STON2: variants seen among roughly 807,000 people sequenced by gnomAD.
STON2 encodes stonin 2.
STON2 carries 29 observed loss-of-function variants against 65.7 expected under a neutral mutation model. That is an observed-to-expected ratio of 0.44 (90% CI 0.33 to 0.60). The LOEUF (loss-of-function observed/expected upper bound fraction) is 0.60. Among genes scored for constraint, STON2 ranks in the 20% least tolerant of loss-of-function variants. STON2 has a pLI of 0.03. For missense variants in STON2, 1,054 were observed against 1,118.1 expected, an observed-to-expected ratio of 0.94 and a Z score of 0.82; for synonymous variants, 404 against 414.2, an observed-to-expected ratio of 0.98 and a Z score of 0.30.
intron 5 of STON2, among the ~76,000 whole-genome samples, chr14:81,296,058 T>C (rs1895749354): frequency 6.6e-6 from 1 of 152,188 alleles, no homozygotes; most frequent in Admixed American, 6.5e-5. Flanking sequence ...TATTTTGGGA[T>C]GAGAATTCTC....
chr14:81,311,713 G>T (rs1173719772), intron 5 of STON2, among the ~76,000 whole-genome samples: 1 of 152,184 alleles, frequency 6.6e-6, no homozygotes, highest in Non-Finnish European at 1.5e-5. Context: ...AAATAATTCT[G>T]TTAAAATGTT....
chr14:81,300,659 A>G (rs968837795), intron 5 of STON2, among the ~76,000 whole-genome samples: 1 of 152,198 alleles, frequency 6.6e-6, no homozygotes, highest in African/African-American at 2.4e-5. Flanking sequence ...TACTCCCATG[A>G]TAATATCAAA....
intron 5 of STON2, among the ~76,000 whole-genome samples, chr14:81,284,742 A>C (rs1308600440): frequency 1.3e-5 from 2 of 152,226 alleles, no homozygotes; most frequent in Non-Finnish European, 2.9e-5. Context: ...TAATAGCTAG[A>C]GAAAAGTCAA....
rs1898204960 is a variant in STON2 at position 81,355,807 on chromosome 14, T to C, written c.571+15181A>G. ...GTTCACTCATGATTTGGCTCTCTGT[T>C]TGTCTGTTATTGGTGTATAAGAATG... On this transcript the variant is annotated intron_variant, in intron 4 of 7. Transcript: ENST00000614646. Among the ~76,000 whole-genome samples, 8 of 152,262 alleles carry C rather than the reference T, an allele frequency of 5.3e-5. No individual in the cohort carries two copies. In the South Asian group the frequency reaches 1.5e-3, roughly 28 times the overall value.
chr14:81,278,172 T>A lies in STON2; in HGVS notation c.1310A>T (p.Asp437Val), dbSNP rs146364557. The part of the protein sequence containing the change: ...DDSSKTQSHS[D>V]AVEKLKQLQI... ...GAGTTGTTTGAGTTTTTCAACAGCA[T>A]CAGAGTGTGACTGGGTTTTGCTTGA... The change falls in exon 6 of 8, where the codon GAT becomes GTT. Residue 437 changes from aspartate to valine, a missense_variant. By Grantham distance (152) the Asp-to-Val change is radical. Coordinates refer to ENST00000614646, the MANE Select transcript of STON2 (RefSeq NM_001394390.1). The A allele has an allele frequency of 6.2e-7, 1 of 1,613,912 alleles. No individual in the cohort carries two copies. The highest frequency in any genetic ancestry group is 1.3e-5 in the African/African-American group (1 of 74,908).
intron 2 of STON2, among the ~76,000 whole-genome samples, chr14:81,421,865 G>A (rs1369309587): frequency 6.6e-6 from 1 of 152,102 alleles, no homozygotes; most frequent in East Asian, 1.9e-4. Context: ...AGAGAGATGA[G>A]TGCTAAAAAC....
intron 3 of STON2, among the ~76,000 whole-genome samples, chr14:81,392,083 C>G (rs911843427): frequency 2.0e-5 from 3 of 152,122 alleles, no homozygotes; most frequent in Non-Finnish European, 2.9e-5. Context: ...CCAAAAAACT[C>G]AGTAATCAAA....
chr14:81,414,889 C>T (rs373453806), intron 2 of STON2, among the ~76,000 whole-genome samples: 27 of 151,838 alleles, frequency 1.8e-4, no homozygotes, highest in African/African-American at 5.1e-4. Flanking sequence ...GCTTGGTGGC[C>T]TGATGTGGGT....
At chr14:81,363,021 A>G (rs913743695) in intron 4 of STON2, among the ~76,000 whole-genome samples, 29 of 152,160 alleles carry the variant, frequency 1.9e-4, no homozygotes, top group Non-Finnish European at 3.8e-4. Context: ...AAGGCTCTCT[A>G]TAATTGCTCC....
intron 5 of STON2, among the ~76,000 whole-genome samples, chr14:81,313,192 T>C (rs975327936): frequency 6.6e-6 from 1 of 152,216 alleles, no homozygotes; most frequent in African/African-American, 2.4e-5. Context: ...ATCTAGTGAT[T>C]AGATCAAAGA....
intron 5 of STON2, among the ~76,000 whole-genome samples, chr14:81,291,309 C>T (rs1056015110): frequency 5.9e-5 from 9 of 152,044 alleles, no homozygotes; most frequent in Admixed American, 5.2e-4. Context: ...TTCACAAAGC[C>T]AGTATGGATA....
upstream of STON2, among the ~76,000 whole-genome samples, chr14:81,405,131 T>A (rs1373792500): frequency 6.6e-6 from 1 of 152,180 alleles, no homozygotes; most frequent in Non-Finnish European, 1.5e-5. Flanking sequence ...CATTTTTTCA[T>A]TAAATTTGGA....
upstream of STON2, among the ~76,000 whole-genome samples, chr14:81,401,188 T>C (rs530284691): frequency 6.6e-5 from 10 of 152,256 alleles, no homozygotes; most frequent in Non-Finnish European, 1.2e-4. Context: ...CTAAGTAGAG[T>C]CATGTGCTCA....
chr14:81,424,486 AAT>A, intron 2 of STON2, among the ~76,000 whole-genome samples: 1 of 112,910 alleles, frequency 8.9e-6, no homozygotes, highest in African/African-American at 3.9e-5. Flanking sequence ...TTATAAACAG[AAT>A]ACACTCTCAC....
At chr14:81,320,113 T>C (rs568926108) in intron 5 of STON2, among the ~76,000 whole-genome samples, 43 of 152,212 alleles carry the variant, frequency 2.8e-4, no homozygotes, top group African/African-American at 1.0e-3. Flanking sequence ...ACGTGGCCAG[T>C]GTAAGGTCAC....
chr14:81,260,972 G>A lies in STON2; in HGVS notation c.*7442C>T, dbSNP rs1894116779. On this transcript the variant is annotated 3_prime_UTR_variant, in exon 8 of 8. Transcript: ENST00000614646. ...TTATTACAGACATTACAAGAATGGA[G>A]GGTGAGGAATGGTGCTTCTCTGTCA... The A allele has an allele frequency of 6.6e-6, 1 of 152,160 alleles. No homozygotes were observed. The highest frequency in any genetic ancestry group is 2.4e-5 in the African/African-American group (1 of 41,440). The allele number at this position is 152,160 out of a possible 1,614,324, so 9.4% of individuals were successfully genotyped here. A position where few individuals can be genotyped will look rare whatever the true frequency, so the allele number is the denominator to read the frequency against.
chr14:81,337,010 G>A (rs1483985403), intron 4 of STON2, among the ~76,000 whole-genome samples: 1 of 152,134 alleles, frequency 6.6e-6, no homozygotes, highest in Non-Finnish European at 1.5e-5. Flanking sequence ...TTAGTCCCAA[G>A]GTTCTAACTG....
chr14:81,381,928 A>G (rs938119549), intron 3 of STON2, among the ~76,000 whole-genome samples: 1 of 152,144 alleles, frequency 6.6e-6, no homozygotes, highest in Admixed American at 6.5e-5. Flanking sequence ...TCTTAGAAAC[A>G]ACCCAAATGG....
In STON2 at chr14:81,263,962, G is replaced by C; in HGVS notation, c.*4452C>G. On this transcript the variant is annotated 3_prime_UTR_variant, in exon 8 of 8. Transcript: ENST00000614646. ...CTATCTCAGACCTCCATCTTACTGT[G>C]GTGACAAAATAAATGCAAAGTAACG... is the stretch of plus-strand genomic sequence containing the variant. 3 of 985,344 alleles carry C rather than the reference G, an allele frequency of 3.0e-6. No homozygotes were observed. Among genetic ancestry groups the C allele is most frequent in the Non-Finnish European group, 2.4e-6 (2 of 829,932 alleles). The allele number at this position is 985,344 out of a possible 1,614,324, so 61.0% of individuals were successfully genotyped here. A position where few individuals can be genotyped will look rare whatever the true frequency, so the allele number is the denominator to read the frequency against.
Sources: allele counts gnomAD v4.1 joint callset (sites outside exome capture counted in the v4.1 genomes callset), GRCh38; gene constraint gnomAD v4.1.1; transcripts MANE v1.5; gene names NCBI Gene and HGNC (gene_info 2026-07-23, HGNC 2026-07-21).